The following FRMD4B variants were observed in gnomAD, a reference collection of about 807,000 sequenced individuals.
FRMD4B encodes the protein FERM domain-containing protein 4B.
A neutral mutation model predicts 141.5 loss-of-function variants in FRMD4B; 74 were observed. That is an observed-to-expected ratio of 0.52 (90% CI 0.43 to 0.63). The LOEUF (loss-of-function observed/expected upper bound fraction) is 0.63, where lower values mean the gene tolerates loss of function less well. FRMD4B is among the 30% of genes least tolerant of loss of function. FRMD4B has a pLI of 0.00. For synonymous variants in FRMD4B, 506 were observed against 467.9 expected (o/e 1.08, Z -1.05); for missense variants, 1,366 against 1,253.4 (o/e 1.09, Z -1.36).
At chr3:69,512,084 G>C (rs1706698775) in intron 1 of FRMD4B, among the ~76,000 whole-genome samples, 1 of 152,186 alleles carries the variant, frequency 6.6e-6, no homozygotes, top group South Asian at 2.1e-4. Context: ...AGAGATTTAT[G>C]TTCTTTGCCT....
intron 7 of FRMD4B, among the ~76,000 whole-genome samples, chr3:69,233,894 A>G (rs1233657240): frequency 1.3e-5 from 2 of 152,208 alleles, no homozygotes; most frequent in Non-Finnish European, 2.9e-5. Flanking sequence ...GTGATGACCC[A>G]TCAAGGTTCT....
rs776156991 is a variant in FRMD4B, at chr3:69,171,223, C to T, written c.*638G>A. 5.3e-5 allele frequency: 8 copies of T among 152,206 alleles called. No homozygotes were observed. The highest frequency in any genetic ancestry group is 1.0e-4 in the Non-Finnish European group (7 of 68,060). 9.4% of individuals were successfully genotyped at this position (152,206 alleles called of 1,614,324 possible). On this transcript the variant is annotated 3_prime_UTR_variant, in exon 23 of 23. Coordinates refer to ENST00000398540, the MANE Select transcript of FRMD4B (RefSeq NM_015123.3). Reference sequence around the variant, plus strand: ...TTATATTACAGGATGCTAAGGTAATCAGTTTTTCCAGAACCCATTTTATGG... The same window carrying T: ...TTATATTACAGGATGCTAAGGTAATTAGTTTTTCCAGAACCCATTTTATGG...
chr3:69,202,440 T>C (rs992257782), intron 11 of FRMD4B, among the ~76,000 whole-genome samples: 1 of 146,060 alleles, frequency 6.8e-6, no homozygotes, highest in Non-Finnish European at 1.5e-5. Context: ...AACAGAAAAA[T>C]GTATTTTGCC....
rs1001818906 is a variant in FRMD4B, at chr3:69,493,564, T to C, written c.-129+48642A>G. 3.9e-5 allele frequency among the ~76,000 whole-genome samples: 6 copies of C among 152,226 alleles called. 1 individual carries two copies. The highest frequency in any genetic ancestry group is 2.6e-4 in the Admixed American group (4 of 15,288). On this transcript the variant is annotated intron_variant, in intron 1 of 5. Coordinates refer to the FRMD4B transcript ENST00000459638. ...GGAAACATTTTAAGGTCCCAGAAGT[T>C]TGACCACTGTATCCAAGTAGATCTC...
chr3:69,179,148 AGTGATGCCTTTTGGTCT>A (rs1386842707), intron 21 of FRMD4B, among the ~76,000 whole-genome samples: 22 of 152,114 alleles, frequency 1.4e-4, no homozygotes, highest in African/African-American at 5.3e-4. Flanking sequence ...TTCTTTAAAG[AGTGATGCCTTTTGGTCT>A]GTGGGGCCAC....
At chr3:69,523,991 C>T (rs1201495540) in intron 1 of FRMD4B, among the ~76,000 whole-genome samples, 1 of 152,192 alleles carries the variant, frequency 6.6e-6, no homozygotes, top group Admixed American at 6.5e-5. Flanking sequence ...AACTGGATTG[C>T]ATTCTTTACC....
At chr3:69,364,770 T>C (rs1166582011) in intron 1 of FRMD4B, among the ~76,000 whole-genome samples, 1 of 152,150 alleles carries the variant, frequency 6.6e-6, no homozygotes, top group Non-Finnish European at 1.5e-5. Context: ...TGAATTTAGA[T>C]GGCCAAAGAA....
chr3:69,513,729 A>G (rs1706727358), intron 1 of FRMD4B, among the ~76,000 whole-genome samples: 2 of 152,194 alleles, frequency 1.3e-5, no homozygotes, highest in Admixed American at 6.5e-5. Context: ...GAATACAAAG[A>G]TAGTTCAACA....
intron 1 of FRMD4B, among the ~76,000 whole-genome samples, chr3:69,328,921 T>C (rs35787059): frequency 0.26 from 40,176 of 152,054 alleles, 6,140 homozygotes; most frequent in Non-Finnish European, 0.34. Context: ...ATCTAGCAGC[T>C]CTCGGTGCTG....
At chr3:69,506,341 A>G (rs1706594752) in intron 1 of FRMD4B, among the ~76,000 whole-genome samples, 1 of 152,066 alleles carries the variant, frequency 6.6e-6, no homozygotes, top group Non-Finnish European at 1.5e-5. Context: ...TCCAATTTCA[A>G]CATAACAACC....
At chr3:69,522,723 C>T (rs1185742336) in intron 1 of FRMD4B, among the ~76,000 whole-genome samples, 1 of 152,036 alleles carries the variant, frequency 6.6e-6, no homozygotes, top group African/African-American at 2.4e-5. Context: ...AAAAATAATC[C>T]CTTCTCCTGA....
chr3:69,309,759 A>G (rs552894134), intron 3 of FRMD4B, among the ~76,000 whole-genome samples: 23 of 152,112 alleles, frequency 1.5e-4, no homozygotes, highest in Admixed American at 2.6e-4. Flanking sequence ...TATTTTTTCA[A>G]TGAATAAATT....
At chr3:69,280,673 G>A (rs1436343049) in intron 5 of FRMD4B, among the ~76,000 whole-genome samples, 1 of 152,116 alleles carries the variant, frequency 6.6e-6, no homozygotes, top group African/African-American at 2.4e-5. Context: ...GCCTGTCATT[G>A]AGCATGTCCA....
At chr3:69,329,516 A>ATTTTTTTTTTT (rs10554375) in intron 1 of FRMD4B, among the ~76,000 whole-genome samples, 1 of 55,574 alleles carries the variant, frequency 1.8e-5, no homozygotes, top group Non-Finnish European at 3.5e-5. Context: ...TGCCCAGCTA[A>ATTTTTTTTTTT]TTTTTTTTTT....
chr3:69,373,726 A>G (rs539669495), intron 1 of FRMD4B, among the ~76,000 whole-genome samples: 5 of 152,164 alleles, frequency 3.3e-5, no homozygotes, highest in Admixed American at 2.6e-4. Flanking sequence ...AATACAAAAA[A>G]TTGCTGGGTG....
At chr3:69,269,301 C>CA (rs1401776360) in intron 5 of FRMD4B, among the ~76,000 whole-genome samples, 1 of 151,770 alleles carries the variant, frequency 6.6e-6, no homozygotes, top group Admixed American at 6.6e-5. Flanking sequence ...AAACAAGAAA[C>CA]ATTTATTAAG....
In FRMD4B at chr3:69,302,519, A is replaced by G; in HGVS notation, c.324-84T>C. 6.1e-6 allele frequency: 5 copies of G among 818,324 alleles called. No homozygotes were observed. The South Asian group carries it at 7.2e-5, about 12-fold the overall frequency. 50.7% of individuals were successfully genotyped at this position (818,324 alleles called of 1,614,324 possible). On this transcript the variant is annotated intron_variant, in intron 3 of 22. Coordinates refer to ENST00000398540, the MANE Select transcript of FRMD4B (RefSeq NM_015123.3). The stretch of plus-strand genomic sequence containing the variant: ...TACAGTGTTGGCAAAGCTGTGGCGA[A>G]ATAGTTGCTCTCATACACCGATGGT...
intron 1 of FRMD4B, among the ~76,000 whole-genome samples, chr3:69,540,494 A>G (rs1559557341): frequency 6.7e-6 from 1 of 149,626 alleles, no homozygotes; most frequent in African/African-American, 2.5e-5. Flanking sequence ...TGCGCCTGTA[A>G]TCCCAGCTAC....
chr3:69,415,924 G>T (rs1704851335), intron 2 of FRMD4B, among the ~76,000 whole-genome samples: 1 of 152,120 alleles, frequency 6.6e-6, no homozygotes, highest in Non-Finnish European at 1.5e-5. Context: ...AGTAGTACTG[G>T]CTATTATTCA....
Sources: allele counts gnomAD v4.1 joint callset (sites outside exome capture counted in the v4.1 genomes callset), GRCh38; gene constraint gnomAD v4.1.1; transcripts MANE v1.5; gene names NCBI Gene and HGNC (gene_info 2026-07-23, HGNC 2026-07-21).